MTA3: variants seen among roughly 807,000 people sequenced by gnomAD.
MTA3 encodes metastasis-associated protein MTA3.
In MTA3, 34 loss-of-function variants were observed where a neutral mutation model predicts 83.5. The observed-to-expected ratio is 0.41, with a 90% confidence interval of 0.31 to 0.54. The LOEUF (loss-of-function observed/expected upper bound fraction) is 0.54. Among genes scored for constraint, MTA3 ranks in the 20% least tolerant of loss-of-function variants. The pLI is 0.33. For synonymous variants in MTA3, 303 were observed against 252.7 expected, an observed-to-expected ratio of 1.20 and a Z score of -1.89; for missense variants, 761 against 726.4, an observed-to-expected ratio of 1.05 and a Z score of -0.55.
intron 1 of MTA3, chr2:42,495,024 C>T (rs924038594): frequency 6.6e-5 from 10 of 152,520 alleles, no homozygotes; most frequent in African/African-American, 2.4e-4. Flanking sequence ...GTAAGGCGAA[C>T]CGTGTTAGAT....
chr2:42,526,971 T>C (rs1479665874), intron 2 of MTA3, among the ~76,000 whole-genome samples: 1 of 145,808 alleles, frequency 6.9e-6, no homozygotes, highest in East Asian at 2.0e-4. Flanking sequence ...GGAGAATCAC[T>C]TGAACCCAGG....
chr2:42,638,319 C>G (rs1299459428), intron 4 of MTA3, among the ~76,000 whole-genome samples: 1 of 152,038 alleles, frequency 6.6e-6, no homozygotes, highest in Admixed American at 6.6e-5. Flanking sequence ...TGTCGATGTG[C>G]TAACGGCAGC....
chr2:42,580,140 T>A (rs1357394986), intron 3 of MTA3, among the ~76,000 whole-genome samples: 1 of 151,450 alleles, frequency 6.6e-6, no homozygotes. Context: ...AGAGATAGAG[T>A]CTCCCTATGT....
chr2:42,704,525 T>A (rs978436527), intron 12 of MTA3, among the ~76,000 whole-genome samples: 3 of 152,234 alleles, frequency 2.0e-5, no homozygotes, highest in Non-Finnish European at 2.9e-5. Context: ...ACACTCAAGT[T>A]AGGCATTGGA....
chr2:42,723,317 C>G, intron 16 of MTA3: 2 of 375,346 alleles, frequency 5.3e-6, no homozygotes, highest in African/African-American at 2.1e-5. Flanking sequence ...TAATAATGTT[C>G]TTGCTGTGAT....
chr2:42,505,133 A>G (rs1408003169), intron 2 of MTA3, among the ~76,000 whole-genome samples: 3 of 152,104 alleles, frequency 2.0e-5, no homozygotes, highest in Non-Finnish European at 4.4e-5. Context: ...GTGACTCATG[A>G]CTGTAATCCC....
intron 2 of MTA3, among the ~76,000 whole-genome samples, chr2:42,553,728 T>G (rs1219442293): frequency 1.4e-5 from 2 of 145,746 alleles, no homozygotes; most frequent in Non-Finnish European, 3.0e-5. Context: ...AGAGCGAAAC[T>G]CCATCTCAAA....
chr2:42,674,690 C>T (rs1209535059), intron 8 of MTA3, among the ~76,000 whole-genome samples: 3 of 150,852 alleles, frequency 2.0e-5, no homozygotes, highest in African/African-American at 4.9e-5. Flanking sequence ...CTGACACTTC[C>T]TGAGTTCAAG....
chr2:42,697,740 T>C, intron 10 of MTA3, 36 bp from the exon 11 acceptor site: 1 of 1,381,450 alleles, frequency 7.2e-7, no homozygotes, highest in Non-Finnish European at 9.9e-7. Flanking sequence ...TAATTAGGCA[T>C]TGCATGTAAA....
rs1265705090 is a variant in MTA3 at position 42,594,264 on chromosome 2, T to G, written c.190+15064T>G. Among the ~76,000 whole-genome samples, 6 of 38,986 alleles carry G rather than the reference T, an allele frequency of 1.5e-4. No individual in the cohort carries two copies. In the South Asian group the frequency reaches 6.7e-3, roughly 44 times the overall value. The allele number at this position is 38,986 out of a possible 152,430, so 25.6% of individuals were successfully genotyped here. A position where few individuals can be genotyped will look rare whatever the true frequency, so the allele number is the denominator to read the frequency against. On this transcript the variant is annotated intron_variant, in intron 3 of 16. Transcript: ENST00000405094. ...GGCCCCTTTTTTTTTTTTTTTTTTT[T>G]TAAAAGACAGTCCCTAGGCTGGAGT...
intron 2 of MTA3, chr2:42,533,461 G>A (rs1676072540): frequency 6.6e-6 from 1 of 151,380 alleles, no homozygotes; most frequent in Non-Finnish European, 1.5e-5. Context: ...ACTGGAAGAT[G>A]GCGGTTCCAG....
chr2:42,732,306 C>G (rs779881376), intron 16 of MTA3, among the ~76,000 whole-genome samples: 9 of 152,230 alleles, frequency 5.9e-5, no homozygotes, highest in Non-Finnish European at 8.8e-5. Flanking sequence ...CAATTCTTGA[C>G]TTCTGTGCAC....
At position 42,595,203 on chromosome 2, in the gene MTA3, A is replaced by G. The variant is rs1239487246; in HGVS notation, c.191-14255A>G. ...CAGCTCACTGCAAGCTCCACTTCCC[A>G]GGTTCACGCCATTCTCCTGCCTCAG... On this transcript the variant is annotated intron_variant, in intron 3 of 16. Transcript: ENST00000405094. 8.7e-5 allele frequency among the ~76,000 whole-genome samples: 11 copies of G among 126,808 alleles called. No individual in the cohort carries two copies. In the South Asian group the frequency reaches 2.8e-3, roughly 32 times the overall value. 83.2% of individuals were successfully genotyped at this position (126,808 alleles called of 152,430 possible).
chr2:42,586,610 A>G (rs1200852694), intron 3 of MTA3, among the ~76,000 whole-genome samples: 1 of 105,320 alleles, frequency 9.5e-6, no homozygotes, highest in Non-Finnish European at 1.9e-5. Context: ...ACACACACAC[A>G]CACACATCGT....
At chr2:42,621,519 A>G (rs1042330053) in intron 4 of MTA3, among the ~76,000 whole-genome samples, 4 of 152,212 alleles carry the variant, frequency 2.6e-5, no homozygotes, top group African/African-American at 9.6e-5. Context: ...GGAGTCTCCT[A>G]TGTCTACTTC....
At chr2:42,729,010 A>G (rs112583174) in intron 16 of MTA3, among the ~76,000 whole-genome samples, 5,352 of 148,930 alleles carry the variant, frequency 0.036, 332 homozygotes, top group African/African-American at 0.12. Context: ...TGTGGATATT[A>G]CTCAAGAAAT....
At chr2:42,687,332 T>C (rs760483726) in intron 9 of MTA3, among the ~76,000 whole-genome samples, 2 of 152,240 alleles carry the variant, frequency 1.3e-5, no homozygotes, top group Non-Finnish European at 2.9e-5. Context: ...AATTTTGGTT[T>C]CTTTTACTTA....
chr2:42,681,709 T>A (rs1260967270), intron 8 of MTA3, among the ~76,000 whole-genome samples: 1 of 151,376 alleles, frequency 6.6e-6, no homozygotes, highest in Non-Finnish European at 1.5e-5. Flanking sequence ...CAGGTCTCAC[T>A]ATGTTGCCCA....
rs1323671110 is a variant in MTA3 at position 42,707,924 on chromosome 2, A to G, written c.1172A>G (p.Tyr391Cys). The G allele has an allele frequency of 1.9e-6, 3 of 1,599,500 alleles. No individual in the cohort carries two copies. Among genetic ancestry groups the G allele is most frequent in the Non-Finnish European group, 2.6e-6 (3 of 1,175,782 alleles). ...TTAGCTACACAGTCTCACCAGTGGT[A>G]TTCTTGGGGCCCACCTAATATGCAG... ...SCYATQSHQWYSWGPPNMQCR... is the reference protein window; with the variant it reads ...SCYATQSHQWCSWGPPNMQCR... Residue 391 changes from tyrosine to cysteine, a missense_variant, in exon 13 of 17, where the codon TAT (tyrosine) becomes TGT (cysteine). Coordinates refer to ENST00000405094, the MANE Select transcript of MTA3 (RefSeq NM_001330442.2).
Sources: allele counts gnomAD v4.1 joint callset (sites outside exome capture counted in the v4.1 genomes callset), GRCh38; gene constraint gnomAD v4.1.1; transcripts MANE v1.5; gene names NCBI Gene and HGNC (gene_info 2026-07-23, HGNC 2026-07-21).